Variants in ADAMTS14 observed in about 807,000 individuals in gnomAD.
ADAMTS14 encodes the protein A disintegrin and metalloproteinase with thrombospondin motifs 14.
A neutral mutation model predicts 128.6 loss-of-function variants in ADAMTS14; 100 were observed. That is an observed-to-expected ratio of 0.78 (90% CI 0.66 to 0.92). ADAMTS14 has a LOEUF of 0.92. ADAMTS14 is among the 40% of genes least tolerant of loss of function. The pLI, the probability that ADAMTS14 is intolerant of heterozygous loss-of-function variation, is 0.00. For synonymous variants in ADAMTS14, 665 were observed against 653.8 expected (o/e 1.02, Z -0.26); for missense variants, 1,562 against 1,658.6 (o/e 0.94, Z 1.01).
At chr10:70,736,232 T>C (rs980416836) in intron 9 of ADAMTS14, among the ~76,000 whole-genome samples, 1 of 151,724 alleles carries the variant, frequency 6.6e-6, no homozygotes, top group Non-Finnish European at 1.5e-5. Context: ...GTGTCCAAGT[T>C]ACAGGGAGGT....
intron 3 of ADAMTS14, among the ~76,000 whole-genome samples, chr10:70,708,094 T>C (rs981587878): frequency 6.6e-6 from 1 of 152,210 alleles, no homozygotes; most frequent in Non-Finnish European, 1.5e-5. Flanking sequence ...TGGGTGGGAT[T>C]TGAGAGGCTC....
chr10:70,705,262 C>T (rs534363585), intron 3 of ADAMTS14, among the ~76,000 whole-genome samples: 29 of 152,282 alleles, frequency 1.9e-4, no homozygotes, highest in African/African-American at 6.7e-4. Flanking sequence ...CCTGGATGCT[C>T]TCCTGCTCCT....
intron 4 of ADAMTS14, among the ~76,000 whole-genome samples, chr10:70,713,510 C>T (rs111302299): frequency 1.3e-5 from 2 of 152,348 alleles, no homozygotes; most frequent in African/African-American, 4.8e-5. Flanking sequence ...GGGCACCGTC[C>T]CCTACTCTGC....
Position 70,758,288 on chromosome 10 carries a change from A to C in ADAMTS14, c.3178+3A>C. 1.2e-6 allele frequency: 2 copies of C among 1,613,470 alleles called. No individual in the cohort carries two copies. The highest frequency in any genetic ancestry group is 1.7e-6 in the Non-Finnish European group (2 of 1,179,562). ...TCCCATTAACAAGATATCATCAAGTAAGTACAGTCTATGGACCCTACCCTG... is the reference window on the plus strand; with the variant it reads ...TCCCATTAACAAGATATCATCAAGTCAGTACAGTCTATGGACCCTACCCTG... On this transcript the variant is annotated splice_donor_region_variant and intron_variant, in intron 21 of 21. Coordinates refer to ENST00000373207, the MANE Select transcript of ADAMTS14 (RefSeq NM_080722.4).
At chr10:70,684,758 G>C (rs927433090) in intron 2 of ADAMTS14, among the ~76,000 whole-genome samples, 1 of 152,198 alleles carries the variant, frequency 6.6e-6, no homozygotes, top group Non-Finnish European at 1.5e-5. Flanking sequence ...AGCTCTCTGG[G>C]CGCCCATGCC....
rs1431701278 is a variant in ADAMTS14 at position 70,758,273 on chromosome 10, A to G, written c.3166A>G (p.Lys1056Glu). The change falls in exon 21 of 22, where the codon AAG (lysine) becomes GAG (glutamate). Residue 1056 changes from lysine (K) to glutamate (E), a missense_variant. Coordinates refer to ENST00000373207, the MANE Select transcript of ADAMTS14 (RefSeq NM_080722.4). Reference protein sequence around the residue: ...PQSEPLHPINKISSTEPCTGD... With the variant: ...PQSEPLHPINEISSTEPCTGD... ...ATCTGAACCCCTACATCCCATTAAC[A>G]AGATATCATCAAGTAAGTACAGTCT... 1 of 1,614,084 alleles carries G rather than the reference A, an allele frequency of 6.2e-7. No individual in the cohort carries two copies. The highest frequency in any genetic ancestry group is 1.1e-5 in the South Asian group (1 of 91,066).
chr10:70,740,002 C>T (rs2132701985), intron 11 of ADAMTS14, among the ~76,000 whole-genome samples: 1 of 152,290 alleles, frequency 6.6e-6, no homozygotes, highest in African/African-American at 2.4e-5. Context: ...GAGTAAATCA[C>T]CTTGCAGGCA....
chr10:70,757,904 T>C (rs1320787174), intron 19 of ADAMTS14, 58 bp from the exon 20 acceptor site: 68 of 1,530,114 alleles, frequency 4.4e-5, no homozygotes, highest in Non-Finnish European at 5.0e-5. Context: ...CTCGTCTTTC[T>C]TCTCTCCACC....
chr10:70,742,964 A>G (rs1842051039), intron 12 of ADAMTS14, among the ~76,000 whole-genome samples: 1 of 152,180 alleles, frequency 6.6e-6, no homozygotes, highest in African/African-American at 2.4e-5. Flanking sequence ...ACATGTTAAG[A>G]CGCATGTCAT....
At chr10:70,759,207 ACGATTC>A (rs1564563938) in intron 21 of ADAMTS14, among the ~76,000 whole-genome samples, 2 of 135,472 alleles carry the variant, frequency 1.5e-5, no homozygotes, top group African/African-American at 5.5e-5. Flanking sequence ...AAAGCAAAGG[ACGATTC>A]CGATTCTGGT....
rs1167520330 is a variant in ADAMTS14 at position 70,762,388 on chromosome 10, A to G, written c.*1535A>G. ...TGTGTTAAACTCTTGTGCCTTGGAA[A>G]TCCAGATCTTTAAAATTTTATGTAT... is the stretch of plus-strand genomic sequence containing the variant. On this transcript the variant is annotated 3_prime_UTR_variant, in exon 22 of 22. Coordinates refer to ENST00000373207, the MANE Select transcript of ADAMTS14 (RefSeq NM_080722.4). 6.6e-6 allele frequency: 1 copy of G among 152,230 alleles called. No individual in the cohort carries two copies. 9.4% of individuals were successfully genotyped at this position (152,230 alleles called of 1,614,324 possible). A position where few individuals can be genotyped will look rare whatever the true frequency, so the allele number is the denominator to read the frequency against.
intron 21 of ADAMTS14, 138 bp from the exon 22 acceptor site, chr10:70,760,222 T>C: frequency 1.7e-6 from 2 of 1,166,740 alleles, no homozygotes; most frequent in Non-Finnish European, 2.3e-6. Context: ...GCCCCCACCC[T>C]GAGAAAAAGC....
At position 70,729,385 on chromosome 10, in the gene ADAMTS14, A is replaced by G. The variant is rs770325748; in HGVS notation, c.954+8A>G. 4.3e-6 allele frequency: 7 copies of G among 1,612,264 alleles called. No individual in the cohort carries two copies. Among genetic ancestry groups the G allele is most frequent in the Non-Finnish European group, 5.9e-6 (7 of 1,178,646 alleles). On this transcript the variant is annotated splice_region_variant and intron_variant, in intron 5 of 21. Coordinates refer to ENST00000373207, the MANE Select transcript of ADAMTS14 (RefSeq NM_080722.4). The stretch of plus-strand genomic sequence containing the variant: ...ATGGTTGGCTACCGACAGGTAAACC[A>G]CCTTGTCAGCAGGCAGGGTTTGCGG...
At chr10:70,673,079 G>C (rs930191344) in intron 1 of ADAMTS14, among the ~76,000 whole-genome samples, 195 bp downstream of exon 1, 6 of 152,218 alleles carry the variant, frequency 3.9e-5, no homozygotes. Flanking sequence ...TCTGGTACTA[G>C]AAGTAGACAG....
At chr10:70,741,767 G>C (rs1293824423) in intron 12 of ADAMTS14, among the ~76,000 whole-genome samples, 1 of 152,182 alleles carries the variant, frequency 6.6e-6, no homozygotes, top group Non-Finnish European at 1.5e-5. Flanking sequence ...GTCTGAATTT[G>C]GGGACCATAG....
At chr10:70,687,973 C>G (rs1259235236) in intron 2 of ADAMTS14, among the ~76,000 whole-genome samples, 1 of 68,898 alleles carries the variant, frequency 1.5e-5, no homozygotes, top group Non-Finnish European at 3.0e-5. Flanking sequence ...TGACCCCCCC[C>G]CCGACCTCCC....
At chr10:70,689,689 C>T (rs1840128719) in intron 2 of ADAMTS14, among the ~76,000 whole-genome samples, 2 of 145,774 alleles carry the variant, frequency 1.4e-5, no homozygotes, top group African/African-American at 4.9e-5. Context: ...GCTCCCTTGC[C>T]CCTGCAGTGT....
At position 70,690,699 on chromosome 10, in the gene ADAMTS14, C is replaced by T. The variant is rs568236040; in HGVS notation, c.523-11613C>T. ...GGGACAGTGACCTGTGGGGCCCTCT[C>T]TTGGGCCTGTTCTCCACTGCCAAGG... On this transcript the variant is annotated intron_variant, in intron 2 of 21. Coordinates refer to ENST00000373207, the MANE Select transcript of ADAMTS14 (RefSeq NM_080722.4). 2.1e-4 allele frequency among the ~76,000 whole-genome samples: 30 copies of T among 145,280 alleles called. 1 individual carries two copies. The highest frequency in any genetic ancestry group is 6.8e-4 in the African/African-American group (28 of 41,120).
chr10:70,736,366 G>A (rs1313603459), intron 9 of ADAMTS14, among the ~76,000 whole-genome samples: 1 of 152,106 alleles, frequency 6.6e-6, no homozygotes, highest in Admixed American at 6.5e-5. Flanking sequence ...GACCTCCCCA[G>A]AGCCTCACGC....
Sources: allele counts gnomAD v4.1 joint callset (sites outside exome capture counted in the v4.1 genomes callset), GRCh38; gene constraint gnomAD v4.1.1; transcripts MANE v1.5; gene names NCBI Gene and HGNC (gene_info 2026-07-23, HGNC 2026-07-21).